DSCAM: variants seen among roughly 807,000 people sequenced by gnomAD.
DSCAM encodes DS cell adhesion molecule.
Under a neutral mutation model 217.7 loss-of-function variants are expected in DSCAM, and 47 were observed. The ratio of observed to expected loss-of-function variants is 0.22; its 90% CI spans 0.17 to 0.28. The LOEUF (loss-of-function observed/expected upper bound fraction) is 0.28. DSCAM is among the 10% of genes least tolerant of loss of function. DSCAM has a pLI of 1.00. For missense variants in DSCAM, 2,080 were observed against 2,618.3 expected, an observed-to-expected ratio of 0.79 and a Z score of 4.49; for synonymous variants, 1,056 against 1,015.3, an observed-to-expected ratio of 1.04 and a Z score of -0.76.
chr21:40,351,584 T>C (rs369006321), intron 5 of DSCAM, among the ~76,000 whole-genome samples: 15 of 152,116 alleles, frequency 9.9e-5, no homozygotes, highest in African/African-American at 3.4e-4. Context: ...AGTTCTGAAT[T>C]TGGAGCCCAA....
intron 3 of DSCAM, among the ~76,000 whole-genome samples, chr21:40,640,009 C>A (rs1220413947): frequency 6.6e-6 from 1 of 152,180 alleles, no homozygotes; most frequent in Non-Finnish European, 1.5e-5. Context: ...GTGTGGTGAT[C>A]TGCTGAGCTA....
chr21:40,702,209 T>C (rs180760124), intron 2 of DSCAM, among the ~76,000 whole-genome samples: 52 of 152,302 alleles, frequency 3.4e-4, no homozygotes, highest in Non-Finnish European at 4.7e-4. Flanking sequence ...AGGGGATTTT[T>C]AGGGCAGTGA....
intron 3 of DSCAM, among the ~76,000 whole-genome samples, chr21:40,580,744 A>C (rs939512876): frequency 2.0e-5 from 3 of 152,208 alleles, no homozygotes; most frequent in Non-Finnish European, 4.4e-5. Flanking sequence ...AAATGCAGTA[A>C]GTGGAAAACA....
intron 20 of DSCAM, among the ~76,000 whole-genome samples, chr21:40,098,573 T>C (rs1276974553): frequency 1.3e-5 from 2 of 152,226 alleles, no homozygotes; most frequent in Non-Finnish European, 2.9e-5. Context: ...AAGAAGGACT[T>C]ACTTTTACTC....
At chr21:40,108,223 T>A (rs1014866314) in intron 20 of DSCAM, among the ~76,000 whole-genome samples, 1 of 152,108 alleles carries the variant, frequency 6.6e-6, no homozygotes, top group Non-Finnish European at 1.5e-5. Flanking sequence ...AGTCAAACTA[T>A]CCCTATTTGT....
At chr21:40,652,067 A>G (rs1276431500) in intron 3 of DSCAM, among the ~76,000 whole-genome samples, 1 of 151,666 alleles carries the variant, frequency 6.6e-6, no homozygotes, top group Non-Finnish European at 1.5e-5. Context: ...GTAAAAGATT[A>G]TAAAGGAGTG....
intron 20 of DSCAM, among the ~76,000 whole-genome samples, chr21:40,105,723 C>G (rs533777132): frequency 1.1e-4 from 17 of 152,114 alleles, no homozygotes; most frequent in African/African-American, 4.1e-4. Flanking sequence ...AAAAAGACCA[C>G]TATTAAATGA....
At chr21:40,156,083 A>G in intron 16 of DSCAM, among the ~76,000 whole-genome samples, 1 of 150,400 alleles carries the variant, frequency 6.6e-6, no homozygotes, top group East Asian at 1.9e-4. Context: ...ATTATATTTA[A>G]TAATATAAAT....
intron 1 of DSCAM, among the ~76,000 whole-genome samples, chr21:40,841,510 A>G (rs2092101220): frequency 6.6e-6 from 1 of 152,152 alleles, no homozygotes. Context: ...GGTCTTTGGA[A>G]CTTGAAGAGT....
intron 30 of DSCAM, among the ~76,000 whole-genome samples, chr21:40,048,906 T>C (rs2088884510): frequency 6.6e-6 from 1 of 152,180 alleles, no homozygotes; most frequent in Non-Finnish European, 1.5e-5. Flanking sequence ...CTACCATTTC[T>C]AACTCTAAAT....
intron 3 of DSCAM, among the ~76,000 whole-genome samples, chr21:40,606,281 G>A (rs1237199581): frequency 6.6e-6 from 1 of 152,154 alleles, no homozygotes; most frequent in Non-Finnish European, 1.5e-5. Context: ...CCACGAGGGG[G>A]TGATGGGGAC....
At chr21:40,512,542 G>T (rs1568866117) in intron 3 of DSCAM, among the ~76,000 whole-genome samples, 1 of 152,080 alleles carries the variant, frequency 6.6e-6, no homozygotes, top group African/African-American at 2.4e-5. Context: ...CACGTTTGCG[G>T]CATTGTTCTG....
At chr21:40,456,886 A>G in intron 3 of DSCAM, among the ~76,000 whole-genome samples, 1 of 152,208 alleles carries the variant, frequency 6.6e-6, no homozygotes, top group East Asian at 1.9e-4. Context: ...ACCATAGCAA[A>G]GTATTGTCTC....
intron 29 of DSCAM, among the ~76,000 whole-genome samples, chr21:40,055,091 G>A (rs977951728): frequency 3.9e-5 from 6 of 152,162 alleles, no homozygotes; most frequent in African/African-American, 1.4e-4. Context: ...AAGAGGCTGG[G>A]AAGAGTGAAG....
At chr21:40,235,565 A>G (rs2091421358) in intron 11 of DSCAM, among the ~76,000 whole-genome samples, 1 of 152,064 alleles carries the variant, frequency 6.6e-6, no homozygotes, top group African/African-American at 2.4e-5. Flanking sequence ...GTTCTCAAGG[A>G]CCATTCGGAA....
intron 3 of DSCAM, among the ~76,000 whole-genome samples, chr21:40,449,022 T>G (rs921744838): frequency 6.6e-6 from 1 of 152,184 alleles, no homozygotes; most frequent in Non-Finnish European, 1.5e-5. Context: ...ATTATTCCTT[T>G]TCCAGCTTTC....
At chr21:40,389,247 G>A (rs2075113243) in intron 3 of DSCAM, among the ~76,000 whole-genome samples, 1 of 152,158 alleles carries the variant, frequency 6.6e-6, no homozygotes, top group Non-Finnish European at 1.5e-5. Context: ...CATTATAAAT[G>A]TCTAGCATTG....
chr21:40,408,167 G>T (rs2075294460), intron 3 of DSCAM, among the ~76,000 whole-genome samples: 1 of 151,872 alleles, frequency 6.6e-6, no homozygotes, highest in South Asian at 2.1e-4. Flanking sequence ...TGAAAACAAA[G>T]AATATATTAA....
intron 1 of DSCAM, among the ~76,000 whole-genome samples, chr21:40,762,227 GAAGAA>G (rs1249069538): frequency 3.3e-5 from 5 of 151,898 alleles, no homozygotes; most frequent in African/African-American, 1.2e-4. Context: ...GACTAATAAA[GAAGAA>G]AAGAGAGGAG....
Sources: gnomAD v4.1 joint callset for allele counts (sites outside exome capture counted in the v4.1 genomes callset) on GRCh38, gnomAD v4.1.1 for gene constraint, MANE v1.5 for transcripts, NCBI Gene and HGNC (gene_info 2026-07-23, HGNC 2026-07-21) for gene names.